NELL1: variants seen among roughly 807,000 people sequenced by gnomAD.
NELL1 encodes the protein neural EGFL like 1.
In NELL1, 76 loss-of-function variants were observed where a neutral mutation model predicts 107.4. The observed-to-expected ratio is 0.71, with a 90% confidence interval of 0.59 to 0.86. The LOEUF (loss-of-function observed/expected upper bound fraction) is 0.86, where lower values mean the gene tolerates loss of function less well. Ranked by LOEUF, NELL1 falls within the 40% of genes least tolerant of loss-of-function variation. NELL1 has a pLI of 0.00. For synonymous variants in NELL1, 353 were observed against 341.2 expected (o/e 1.03, Z -0.38); for missense variants, 1,024 against 1,005.5 (o/e 1.02, Z -0.25).
At position 21,450,695 on chromosome 11, in the gene NELL1, C is replaced by T. The variant is rs118088051; in HGVS notation, c.1645+79747C>T. On this transcript the variant is annotated intron_variant, in intron 15 of 19. Transcript: ENST00000357134. ...GTATATGATGAATTTGGAAGAAAGC[C>T]GAATCTGGACAGACAGGAAAGGAAG... Among the ~76,000 whole-genome samples, 204 of 152,108 alleles carry T rather than the reference C, an allele frequency of 1.3e-3. 9 individuals carry two copies. The East Asian group carries it at 0.037, about 28-fold the overall frequency.
In NELL1 at chr11:21,054,967, C is replaced by A. The variant is rs188082697; in HGVS notation, c.1301-58622C>A. Among the ~76,000 whole-genome samples the A allele has an allele frequency of 3.7e-4, 56 of 152,094 alleles. 1 individual carries two copies. Among genetic ancestry groups the A allele is most frequent in the African/African-American group, 1.3e-3 (52 of 41,546 alleles). ...TTTATAATTTGAAAGTCAGTCCTCA[C>A]TGGTAGACTATTTTTAATTTCTATA... On this transcript the variant is annotated intron_variant, in intron 12 of 19. Coordinates refer to ENST00000357134, the MANE Select transcript of NELL1 (RefSeq NM_006157.5).
chr11:20,963,528 A>G (rs1475299768), intron 12 of NELL1, among the ~76,000 whole-genome samples: 2 of 152,132 alleles, frequency 1.3e-5, no homozygotes, highest in African/African-American at 2.4e-5. Context: ...TTTAGCAACC[A>G]TTCTTTTATG....
intron 13 of NELL1, among the ~76,000 whole-genome samples, chr11:21,189,671 T>C (rs1046446348): frequency 8.3e-6 from 1 of 120,050 alleles, no homozygotes; most frequent in Admixed American, 1.0e-4. Context: ...TAGTTGTCTG[T>C]TGTTTCTTCC....
At chr11:20,729,907 G>A (rs1419376417) in intron 2 of NELL1, among the ~76,000 whole-genome samples, 1 of 152,192 alleles carries the variant, frequency 6.6e-6, no homozygotes, top group African/African-American at 2.4e-5. Flanking sequence ...TAGATGGAAT[G>A]ACTGTGTTAG....
chr11:20,766,940 C>T (rs1856545381), intron 2 of NELL1, among the ~76,000 whole-genome samples: 1 of 152,126 alleles, frequency 6.6e-6, no homozygotes, highest in Non-Finnish European at 1.5e-5. Context: ...GATGGGGTTT[C>T]ACTGTGTTGG....
At chr11:21,206,313 TCA>T (rs966971765) in intron 13 of NELL1, among the ~76,000 whole-genome samples, 1 of 152,276 alleles carries the variant, frequency 6.6e-6, no homozygotes, top group Admixed American at 6.5e-5. Flanking sequence ...ACTCTGTGTA[TCA>T]CAGTGTGCCT....
intron 12 of NELL1, among the ~76,000 whole-genome samples, chr11:21,100,687 C>T (rs12576452): frequency 3.3e-5 from 5 of 152,178 alleles, no homozygotes; most frequent in Non-Finnish European, 7.3e-5. Flanking sequence ...CAAAAGGTGG[C>T]TTGTTCTAAT....
intron 14 of NELL1, chr11:21,284,072 C>T (rs1366413690): frequency 5.4e-6 from 2 of 373,492 alleles, no homozygotes; most frequent in Non-Finnish European, 1.1e-5. Flanking sequence ...CTCTGCCTCA[C>T]ATGAAGAGGA....
At chr11:20,987,789 G>A (rs1369354046) in intron 12 of NELL1, among the ~76,000 whole-genome samples, 5 of 152,070 alleles carry the variant, frequency 3.3e-5, no homozygotes, top group African/African-American at 1.2e-4. Context: ...GATAACAATA[G>A]TACTTACATC....
At chr11:21,230,852 T>C (rs1483222979) in intron 14 of NELL1, among the ~76,000 whole-genome samples, 2 of 152,170 alleles carry the variant, frequency 1.3e-5, no homozygotes, top group Non-Finnish European at 2.9e-5. Context: ...TTATCAACAT[T>C]CAAAGTACGT....
At chr11:20,778,796 C>T (rs533346107) in intron 2 of NELL1, among the ~76,000 whole-genome samples, 20 of 152,174 alleles carry the variant, frequency 1.3e-4, no homozygotes, top group South Asian at 1.0e-3. Flanking sequence ...GAAAGCCTCA[C>T]GGACAGACTA....
At chr11:20,935,255 A>G (rs1850699401) in intron 9 of NELL1, among the ~76,000 whole-genome samples, 1 of 152,172 alleles carries the variant, frequency 6.6e-6, no homozygotes. Flanking sequence ...TCAAAGTACA[A>G]TAGAATAAAA....
At chr11:20,716,594 C>A (rs1855255573) in intron 2 of NELL1, among the ~76,000 whole-genome samples, 1 of 152,112 alleles carries the variant, frequency 6.6e-6, no homozygotes, top group Non-Finnish European at 1.5e-5. Flanking sequence ...CATATTACCA[C>A]GTTTGTATGT....
At chr11:20,741,715 G>C (rs1369791008) in intron 2 of NELL1, among the ~76,000 whole-genome samples, 1 of 152,122 alleles carries the variant, frequency 6.6e-6, no homozygotes. Context: ...TTAATTCTAC[G>C]ATGGAACACT....
At chr11:20,886,554 C>T (rs922400108) in intron 5 of NELL1, among the ~76,000 whole-genome samples, 5 of 152,140 alleles carry the variant, frequency 3.3e-5, no homozygotes, top group Admixed American at 3.3e-4. Context: ...AGAGGGGTAT[C>T]AGTACCAGAA....
chr11:21,329,140 C>T (rs906805138), intron 14 of NELL1, among the ~76,000 whole-genome samples: 1 of 152,098 alleles, frequency 6.6e-6, no homozygotes, highest in Non-Finnish European at 1.5e-5. Flanking sequence ...TGTATCCTTA[C>T]CCAAATCTCA....
chr11:21,142,265 A>G (rs1474312018), intron 13 of NELL1, among the ~76,000 whole-genome samples: 1 of 152,192 alleles, frequency 6.6e-6, no homozygotes, highest in East Asian at 1.9e-4. Context: ...CTTGGTGGTA[A>G]TGAACTATCC....
intron 15 of NELL1, among the ~76,000 whole-genome samples, chr11:21,518,997 A>G (rs1388112997): frequency 5.3e-5 from 8 of 152,180 alleles, no homozygotes; most frequent in African/African-American, 7.2e-5. Flanking sequence ...CAGCAGCTCA[A>G]TGACATCAAA....
intron 15 of NELL1, among the ~76,000 whole-genome samples, chr11:21,531,614 G>C (rs1411281611): frequency 6.6e-6 from 1 of 152,188 alleles, no homozygotes; most frequent in South Asian, 2.1e-4. Flanking sequence ...AGGACTTTCT[G>C]TAGGAGGAAA....
Sources: allele counts gnomAD v4.1 joint callset (sites outside exome capture counted in the v4.1 genomes callset), GRCh38; gene constraint gnomAD v4.1.1; transcripts MANE v1.5; gene names NCBI Gene and HGNC (gene_info 2026-07-23, HGNC 2026-07-21).